TCEA3: variants seen among roughly 807,000 people sequenced by gnomAD.
TCEA3 encodes the protein transcription elongation factor A protein 3.
TCEA3 carries 36 observed loss-of-function variants against 44.0 expected under a neutral mutation model. The observed-to-expected ratio is 0.82, with a 90% confidence interval of 0.63 to 1.08. TCEA3 has a LOEUF of 1.08. TCEA3 is among the 50% of genes least tolerant of loss of function. The probability of loss-of-function intolerance (pLI) is 0.00; values close to 1 mark genes in which losing one functional copy is unlikely to be tolerated. For missense variants in TCEA3, 392 were observed against 441.2 expected (o/e 0.89, Z 1.00); for synonymous variants, 162 against 159.7 (o/e 1.01, Z -0.11).
At chr1:23,392,133 G>A (rs1283987057) in intron 8 of TCEA3, among the ~76,000 whole-genome samples, 1 of 152,238 alleles carries the variant, frequency 6.6e-6, no homozygotes, top group South Asian at 2.1e-4. Context: ...GTCTACCTGT[G>A]CCAAGTTCCC....
intron 1 of TCEA3, among the ~76,000 whole-genome samples, chr1:23,419,704 C>T (rs1407267275): frequency 1.3e-5 from 2 of 152,054 alleles, no homozygotes; most frequent in Non-Finnish European, 1.5e-5. Flanking sequence ...GGCGTGGTGG[C>T]GCATGCCTGT....
At position 23,424,710 on chromosome 1, in the gene TCEA3, G is replaced by C; in HGVS notation, c.-77C>G. Reference sequence around the variant, plus strand: ...CTCGGGGGCAGGAGGCGCGAAGGCGGAGGGCGCGCAACCCGCGCGGGCCCC... The same window carrying C: ...CTCGGGGGCAGGAGGCGCGAAGGCGCAGGGCGCGCAACCCGCGCGGGCCCC... On this transcript the variant is annotated 5_prime_UTR_variant, in exon 1 of 11. Coordinates refer to ENST00000450454, the MANE Select transcript of TCEA3 (RefSeq NM_003196.3). 1 of 1,195,968 alleles carries C rather than the reference G, an allele frequency of 8.4e-7. No individual in the cohort carries two copies. Among genetic ancestry groups the C allele is most frequent in the East Asian group, 2.5e-5 (1 of 40,214 alleles). The allele number at this position is 1,195,968 out of a possible 1,614,324, so 74.1% of individuals were successfully genotyped here.
At chr1:23,414,312 G>A (rs1639825568) in intron 4 of TCEA3, among the ~76,000 whole-genome samples, 2 of 152,014 alleles carry the variant, frequency 1.3e-5, no homozygotes, top group African/African-American at 4.8e-5. Flanking sequence ...GGCTGGTCTC[G>A]AACTCCTGAC....
At chr1:23,391,006 G>T (rs1215131573) in intron 8 of TCEA3, among the ~76,000 whole-genome samples, 1 of 151,984 alleles carries the variant, frequency 6.6e-6, no homozygotes, top group Non-Finnish European at 1.5e-5. Flanking sequence ...AAGGAAAGAG[G>T]CATAAAAAGG....
chr1:23,387,468 C>T, intron 8 of TCEA3, 49 bp from the exon 9 acceptor site: 2 of 1,526,892 alleles, frequency 1.3e-6, no homozygotes, highest in South Asian at 1.2e-5. Context: ...TTCAGGGGCC[C>T]TGCCCTACAC....
rs752344517 is a variant in TCEA3 at position 23,393,941 on chromosome 1, G to T, written c.757C>A (p.Leu253Met). 1.5e-5 allele frequency: 24 copies of T among 1,614,014 alleles called. No individual in the cohort carries two copies. The highest frequency in any genetic ancestry group is 2.0e-5 in the Non-Finnish European group (24 of 1,179,914). The stretch of plus-strand genomic sequence containing the variant: ...GCCCCACTGAGCACGTTCCGCCGCA[G>T]GCCGGGGTTCCTGGGGTCCTTGAGG... Reference protein sequence around the residue: ...SNLKDPRNPGLRRNVLSGAIS... With the variant: ...SNLKDPRNPGMRRNVLSGAIS... The change falls in exon 8 of 11, where the codon CTG becomes ATG. Residue 253 changes from leucine (L) to methionine (M), a missense_variant. Transcript: ENST00000450454.
Position 23,424,597 on chromosome 1 carries a change from T to G in TCEA3, c.37A>C (p.Lys13Gln). ...TTCCTGGCCACCATCTTCTCCAGCT[T>G]TTTGGCGATCCTCAGCAGCTCCTCT... ...QEEELLRIAKKLEKMVARKNT... is the reference protein window; with the variant it reads ...QEEELLRIAKQLEKMVARKNT... Residue 13 changes from lysine to glutamine, a missense_variant, in exon 1 of 11, where the codon AAG becomes CAG. By Grantham distance (53) the Lys-to-Gln change is moderately conservative. Transcript: ENST00000450454. The G allele has an allele frequency of 6.2e-7, 1 of 1,608,542 alleles. No individual in the cohort carries two copies. Among genetic ancestry groups the G allele is most frequent in the Non-Finnish European group, 8.5e-7 (1 of 1,178,982 alleles).
intron 5 of TCEA3, chr1:23,404,255 T>C: frequency 1.4e-6 from 1 of 691,412 alleles, no homozygotes; most frequent in Non-Finnish European, 2.7e-6. Flanking sequence ...CGTGGTCTGC[T>C]TCCTGGTACT....
intron 5 of TCEA3, among the ~76,000 whole-genome samples, chr1:23,398,446 T>C (rs1038565350): frequency 6.6e-6 from 1 of 152,224 alleles, no homozygotes; most frequent in Non-Finnish European, 1.5e-5. Flanking sequence ...TCCAGGCGCT[T>C]GTCAAGAACA....
intron 5 of TCEA3, among the ~76,000 whole-genome samples, chr1:23,406,851 G>A (rs1570269438): frequency 1.3e-5 from 2 of 152,098 alleles, no homozygotes; most frequent in South Asian, 2.1e-4. Context: ...CGAACTCCTG[G>A]CTTCAAGTGA....
At chr1:23,424,507 C>A in intron 1 of TCEA3, 58 bp downstream of exon 1, 1 of 1,521,314 alleles carries the variant, frequency 6.6e-7, no homozygotes, top group Non-Finnish European at 9.0e-7. Flanking sequence ...CCCCGGAATC[C>A]GGGGCTTGCC....
At chr1:23,418,564 G>C (rs780054785) in intron 2 of TCEA3, among the ~76,000 whole-genome samples, 1 of 152,022 alleles carries the variant, frequency 6.6e-6, no homozygotes. Flanking sequence ...TGCCTGCCTC[G>C]GCCTCCCAAA....
intron 4 of TCEA3, among the ~76,000 whole-genome samples, chr1:23,409,364 T>C (rs1312209976): frequency 1.3e-5 from 2 of 152,136 alleles, no homozygotes; most frequent in Non-Finnish European, 2.9e-5. Context: ...TAAAGGTGAT[T>C]TTTTCCCAAT....
At chr1:23,417,747 G>A (rs1381963842) in intron 3 of TCEA3, among the ~76,000 whole-genome samples, 157 bp downstream of exon 3, 1 of 152,166 alleles carries the variant, frequency 6.6e-6, no homozygotes, top group African/African-American at 2.4e-5. Context: ...ACAAACATTG[G>A]CAGTCCCCCA....
chr1:23,415,880 G>T (rs1488636326), intron 4 of TCEA3, among the ~76,000 whole-genome samples: 1 of 152,016 alleles, frequency 6.6e-6, no homozygotes, highest in Non-Finnish European at 1.5e-5. Flanking sequence ...TAAAATTGGG[G>T]ATGACTATAG....
chr1:23,398,231 C>T (rs930375354), intron 5 of TCEA3, among the ~76,000 whole-genome samples: 11 of 152,212 alleles, frequency 7.2e-5, no homozygotes, highest in African/African-American at 2.2e-4. Context: ...GATAACACAT[C>T]GACGAACCAG....
At chr1:23,383,327 A>T in intron 10 of TCEA3, 1 of 752,240 alleles carries the variant, frequency 1.3e-6, no homozygotes, top group Non-Finnish European at 1.6e-6. Context: ...AAGTCGGAGC[A>T]TCGGCTTTCA....
intron 4 of TCEA3, among the ~76,000 whole-genome samples, chr1:23,413,554 C>T (rs917109152): frequency 6.6e-6 from 1 of 152,188 alleles, no homozygotes; most frequent in Non-Finnish European, 1.5e-5. Context: ...CTGCCTCAGC[C>T]TCCCAAGTAG....
intron 8 of TCEA3, 149 bp from the exon 9 acceptor site, chr1:23,387,568 C>T (rs1638887988): frequency 1.0e-6 from 1 of 994,058 alleles, no homozygotes; most frequent in Non-Finnish European, 1.4e-6. Flanking sequence ...CGGGTCCTGC[C>T]CCAGCTGGGA....
Sources: gnomAD v4.1 joint callset for allele counts (sites outside exome capture counted in the v4.1 genomes callset) on GRCh38, gnomAD v4.1.1 for gene constraint, MANE v1.5 for transcripts, NCBI Gene and HGNC (gene_info 2026-07-23, HGNC 2026-07-21) for gene names.